Variants in DNAH14 observed in about 807,000 individuals in gnomAD.
DNAH14 encodes the protein axonemal beta dynein heavy chain 14.
In DNAH14, 478 loss-of-function variants were observed where a neutral mutation model predicts 520.9. The ratio of observed to expected loss-of-function variants is 0.92; its 90% CI spans 0.85 to 0.99. DNAH14 has a LOEUF of 0.99. Ranked by LOEUF, DNAH14 falls within the 50% of genes least tolerant of loss-of-function variation. The probability of loss-of-function intolerance (pLI) is 0.00; values close to 1 mark genes in which losing one functional copy is unlikely to be tolerated. For synonymous variants in DNAH14, 1,581 were observed against 1,757.2 expected (o/e 0.90, Z 2.51); for missense variants, 4,831 against 5,234.5 (o/e 0.92, Z 2.38).
At chr1:225,096,519 C>T (rs1261479062) in intron 21 of DNAH14, among the ~76,000 whole-genome samples, 1 of 152,058 alleles carries the variant, frequency 6.6e-6, no homozygotes, top group Non-Finnish European at 1.5e-5. Flanking sequence ...TTTCCTATTA[C>T]TTTAATAAGC....
intron 42 of DNAH14, among the ~76,000 whole-genome samples, chr1:225,235,639 G>A (rs1465433531): frequency 6.6e-6 from 1 of 152,128 alleles, no homozygotes; most frequent in Non-Finnish European, 1.5e-5. Context: ...TGTACCTCTA[G>A]TAGAATTCAG....
At chr1:225,003,957 C>T (rs927290010) in intron 9 of DNAH14, among the ~76,000 whole-genome samples, 33 of 151,870 alleles carry the variant, frequency 2.2e-4, no homozygotes, top group African/African-American at 8.0e-4. Context: ...TTTAAAATAC[C>T]TTTGAAGTCT....
At chr1:224,942,899 G>T (rs943407181) in intron 1 of DNAH14, among the ~76,000 whole-genome samples, 2 of 152,096 alleles carry the variant, frequency 1.3e-5, no homozygotes, top group African/African-American at 4.8e-5. Context: ...TGCTGGATTT[G>T]GTTTGCCAGT....
Position 225,153,854 on chromosome 1 carries a change from A to G in DNAH14, c.5273+28A>G. ...CAGTTGAATTTTGAATTGTTAGGTC[A>G]AAGGGAGTTATATACTGCTGGGAAA... On this transcript the variant is annotated intron_variant, in intron 34 of 85. Transcript: ENST00000682510. 4 of 1,509,550 alleles carry G rather than the reference A, an allele frequency of 2.6e-6. No individual in the cohort carries two copies. In the South Asian group the frequency reaches 3.6e-5, roughly 14 times the overall value. 93.5% of individuals were successfully genotyped at this position (1,509,550 alleles called of 1,614,324 possible).
intron 11 of DNAH14, among the ~76,000 whole-genome samples, chr1:225,033,710 TG>T (rs1464062508): frequency 4.6e-5 from 7 of 152,030 alleles, no homozygotes; most frequent in Admixed American, 4.6e-4. Context: ...GAACATGGGA[TG>T]TTTTTCTATT....
intron 27 of DNAH14, among the ~76,000 whole-genome samples, chr1:225,124,004 C>T (rs190342028): frequency 0.053 from 8,005 of 152,200 alleles, 317 homozygotes; most frequent in Non-Finnish European, 0.078. Flanking sequence ...CTGCCCACCT[C>T]AGCCTCCCAA....
chr1:224,996,558 G>T (rs558470635), intron 8 of DNAH14, among the ~76,000 whole-genome samples: 2 of 152,258 alleles, frequency 1.3e-5, no homozygotes, highest in East Asian at 3.9e-4. Flanking sequence ...ACTTGCTTTT[G>T]GGTTCTGAAG....
chr1:225,104,245 A>T (rs1480096099), intron 23 of DNAH14, among the ~76,000 whole-genome samples: 1 of 152,198 alleles, frequency 6.6e-6, no homozygotes, highest in South Asian at 2.1e-4. Flanking sequence ...CCACTTGATC[A>T]TGGTGGAGAA....
In DNAH14 at chr1:225,051,689, G is replaced by A; in HGVS notation, c.2318G>A (p.Ser773Asn). 6.4e-7 allele frequency: 1 copy of A among 1,551,198 alleles called. No individual in the cohort carries two copies. The highest frequency in any genetic ancestry group is 8.7e-7 in the Non-Finnish European group (1 of 1,146,716). The change falls in exon 17 of 86, where the codon AGT (serine) becomes AAT (asparagine). Residue 773 changes from serine to asparagine, a missense_variant. Coordinates refer to ENST00000682510, the MANE Select transcript of DNAH14 (RefSeq NM_001367479.1). ...EKRIGIFNVV[S>N]LDYQSECLLY... The stretch of plus-strand genomic sequence containing the variant: ...CGTATTGGTATTTTCAACGTTGTAA[G>A]TCTTGATTATCAATCAGAATGCTTA...
At chr1:225,321,986 T>C (rs1371503920) in intron 61 of DNAH14, among the ~76,000 whole-genome samples, 1 of 152,020 alleles carries the variant, frequency 6.6e-6, no homozygotes, top group African/African-American at 2.4e-5. Context: ...ACAGTGTCTC[T>C]GTGAAGCAGT....
At chr1:225,044,013 A>G (rs1287468651) in intron 15 of DNAH14, 30 bp downstream of exon 15, 6 of 1,300,572 alleles carry the variant, frequency 4.6e-6, no homozygotes, top group African/African-American at 4.5e-5. Context: ...AGTGAAATGC[A>G]TTGTCTTCTT....
At chr1:225,023,930 G>A (rs1572537339) in intron 11 of DNAH14, 65 bp downstream of exon 11, 4 of 1,454,386 alleles carry the variant, frequency 2.8e-6, no homozygotes, top group Non-Finnish European at 3.6e-6. Context: ...TGCCACATAT[G>A]GAGGAAATAT....
At chr1:225,153,539 T>C (rs1198253779) in intron 33 of DNAH14, among the ~76,000 whole-genome samples, 1 of 151,538 alleles carries the variant, frequency 6.6e-6, no homozygotes, top group Non-Finnish European at 1.5e-5. Flanking sequence ...ACACCTTTAA[T>C]ATTTGTTAGT....
At chr1:225,164,609 CTTTG>C (rs1183802200) in intron 35 of DNAH14, among the ~76,000 whole-genome samples, 2 of 151,918 alleles carry the variant, frequency 1.3e-5, no homozygotes, top group African/African-American at 4.8e-5. Flanking sequence ...GAGTTTTCTT[CTTTG>C]TTTGTTATAT....
chr1:225,141,176 G>T (rs968351304), intron 28 of DNAH14, among the ~76,000 whole-genome samples, 155 bp downstream of exon 28: 6 of 152,002 alleles, frequency 3.9e-5, no homozygotes, highest in Admixed American at 3.9e-4. Context: ...GAGTATATTA[G>T]TCCCCCTTTA....
intron 17 of DNAH14, among the ~76,000 whole-genome samples, chr1:225,060,439 C>T (rs1405347841): frequency 1.3e-5 from 2 of 152,066 alleles, no homozygotes. Context: ...AGGGTTTTAA[C>T]TTCTTTGCCA....
chr1:225,205,965 C>T lies in DNAH14; in HGVS notation c.5978-6C>T, dbSNP rs2087503132. On this transcript the variant is annotated splice_region_variant and splice_polypyrimidine_tract_variant and intron_variant, in intron 39 of 85. Transcript: ENST00000682510. ...TCAGTTACATTAAAAATATTTTTCT[C>T]TCCAGATTTTGATTGGCAGTGGATT... The T allele has an allele frequency of 1.3e-6, 2 of 1,547,434 alleles. No homozygotes were observed. The highest frequency in any genetic ancestry group is 1.7e-6 in the Non-Finnish European group (2 of 1,144,888).
rs192345324 is a variant in DNAH14 at position 224,964,520 on chromosome 1, C to T, written c.409C>T (p.Arg137Ter). ...DDVIRNIIRL[R>*]EKLGWQTILP... ...TGTGATAAGAAATATTATTAGGCTA[C>T]GAGAAAAGCTTGGTTGGCAAACTAT... The change falls in exon 5 of 86, where the codon CGA becomes TGA. Residue 137 changes from arginine (R) to a stop codon, truncating the protein, a stop_gained. Transcript: ENST00000682510. LOFTEE classifies it high-confidence loss of function. 2,702 of 1,609,766 alleles carry T rather than the reference C, an allele frequency of 1.7e-3. 6 individuals carry two copies. Among genetic ancestry groups the T allele is most frequent in the Non-Finnish European group, 2.1e-3 (2,483 of 1,177,512 alleles).
intron 46 of DNAH14, among the ~76,000 whole-genome samples, chr1:225,262,394 G>A (rs1390553351): frequency 6.6e-6 from 1 of 151,856 alleles, no homozygotes; most frequent in Non-Finnish European, 1.5e-5. Context: ...TGCCTTTGGT[G>A]TCTTAATCAT....
Sources: allele counts gnomAD v4.1 joint callset (sites outside exome capture counted in the v4.1 genomes callset), GRCh38; gene constraint gnomAD v4.1.1; transcripts MANE v1.5; gene names NCBI Gene and HGNC (gene_info 2026-07-23, HGNC 2026-07-21).